The following MLLT10 variants were observed in gnomAD, a reference collection of about 807,000 sequenced individuals.
The protein encoded by MLLT10 is MLLT10 histone lysine methyltransferase DOT1L cofactor, also known as protein AF-10.
In MLLT10, 30 loss-of-function variants were observed where a neutral mutation model predicts 129.1. The observed-to-expected ratio is 0.23, with a 90% CI of 0.17 to 0.32. The LOEUF (loss-of-function observed/expected upper bound fraction) is 0.32, where lower values mean the gene tolerates loss of function less well. Among genes scored for constraint, MLLT10 ranks in the 10% least tolerant of loss-of-function variants. MLLT10 has a pLI of 1.00. For missense variants in MLLT10, 1,119 were observed against 1,268.3 expected, an observed-to-expected ratio of 0.88 and a Z score of 1.79; for synonymous variants, 490 against 446.4, an observed-to-expected ratio of 1.10 and a Z score of -1.23.
At chr10:21,707,744 C>A (rs1364229846) in intron 13 of MLLT10, among the ~76,000 whole-genome samples, 1 of 152,222 alleles carries the variant, frequency 6.6e-6, no homozygotes, top group Non-Finnish European at 1.5e-5. Flanking sequence ...ATTCAGAACA[C>A]CTGTACATGG....
chr10:21,538,024 A>G (rs1244301630), intron 2 of MLLT10, among the ~76,000 whole-genome samples: 1 of 150,946 alleles, frequency 6.6e-6, no homozygotes, highest in East Asian at 2.0e-4. Flanking sequence ...TTTTTGAGAT[A>G]GGGTCTCCCT....
At position 21,673,584 on chromosome 10, in the gene MLLT10, A is replaced by C. The variant is rs542522771; in HGVS notation, c.1286A>C (p.Gln429Pro). ...CCTTCAACCTCAGCTGTTACTTCAC[A>C]GCCTAAAAGCTTTGAAAATTCACCT... ...GLPSTSAVTS[Q>P]PKSFENSPGD... The change falls in exon 11 of 23, where the codon CAG becomes CCG. Residue 429 changes from glutamine to proline, a missense_variant. Gln to Pro is a moderately conservative substitution (Grantham distance 76). Coordinates refer to ENST00000307729, the MANE Select transcript of MLLT10 (RefSeq NM_001195626.3). The C allele has an allele frequency of 1.2e-6, 2 of 1,612,868 alleles. No homozygotes were observed. Among genetic ancestry groups the C allele is most frequent in the Non-Finnish European group, 1.7e-6 (2 of 1,179,706 alleles).
chr10:21,735,108 GTA>G, intron 20 of MLLT10, 29 bp from the exon 21 acceptor site: 1 of 1,549,172 alleles, frequency 6.5e-7, no homozygotes, highest in South Asian at 1.1e-5. Flanking sequence ...GAGGTGTGTA[GTA>G]AAAAGTAAGA....
At chr10:21,735,081 C>T (rs1441000098) in intron 20 of MLLT10, 58 bp from the exon 21 acceptor site, 14 of 1,242,486 alleles carry the variant, frequency 1.1e-5, no homozygotes, top group Non-Finnish European at 1.5e-5. Flanking sequence ...CATTTTTAGA[C>T]TTCTAAAAAT....
intron 8 of MLLT10, among the ~76,000 whole-genome samples, chr10:21,639,010 T>G (rs1403688796): frequency 6.6e-6 from 1 of 152,194 alleles, no homozygotes; most frequent in Non-Finnish European, 1.5e-5. Context: ...TAGTTGACCG[T>G]ACAATTTTTC....
chr10:21,736,363 C>G (rs534951437), intron 21 of MLLT10, among the ~76,000 whole-genome samples: 19 of 152,206 alleles, frequency 1.2e-4, no homozygotes, highest in Admixed American at 1.0e-3. Context: ...GGGCTCCTTG[C>G]AACCTCCATC....
chr10:21,607,361 C>A lies in MLLT10; in HGVS notation c.406-4987C>A, dbSNP rs187221903. On this transcript the variant is annotated intron_variant, in intron 5 of 22. Coordinates refer to ENST00000307729, the MANE Select transcript of MLLT10 (RefSeq NM_001195626.3). ...TTGAGATGGAGTTTTGCTCTTGTTG[C>A]CCAGGCTGGAGTGGAATGGCACGAT... 4.3e-4 allele frequency among the ~76,000 whole-genome samples: 58 copies of A among 134,888 alleles called. No individual in the cohort carries two copies. The South Asian group carries it at 5.5e-3, about 13-fold the overall frequency. The allele number at this position is 134,888 out of a possible 152,430, so 88.5% of individuals were successfully genotyped here.
Position 21,735,218 on chromosome 10 carries a change from T to G in MLLT10, c.2938T>G (p.Ser980Ala), listed in dbSNP as rs1351038445. ...HQQQFQQLLN[S>A]QQLTPEQHQA... is the part of the protein sequence containing the mutation. ...ACAGCAGTTTCAGCAGTTGTTAAAT[T>G]CTCAACAGCTCACACCAGTAAGTTC... The change falls in exon 21 of 23, where the codon TCT becomes GCT. Residue 980 changes from serine to alanine, a missense_variant. Ser to Ala is a moderately conservative substitution (Grantham distance 99). Coordinates refer to ENST00000307729, the MANE Select transcript of MLLT10 (RefSeq NM_001195626.3). The G allele has an allele frequency of 3.7e-6, 6 of 1,612,918 alleles. No homozygotes were observed. The highest frequency in any genetic ancestry group is 4.2e-6 in the Non-Finnish European group (5 of 1,179,166).
At chr10:21,660,359 G>A (rs2050053774) in intron 9 of MLLT10, among the ~76,000 whole-genome samples, 2 of 151,532 alleles carry the variant, frequency 1.3e-5, no homozygotes, top group Admixed American at 6.6e-5. Context: ...GCTCACGCCT[G>A]TATCCCAGCA....
chr10:21,741,097 C>T (rs1375615662), intron 22 of MLLT10, among the ~76,000 whole-genome samples: 1 of 152,196 alleles, frequency 6.6e-6, no homozygotes, highest in Non-Finnish European at 1.5e-5. Context: ...TTAGTTTGTA[C>T]TTAGTAACGA....
chr10:21,538,154 ATTTTTTTTTTTTT>A (rs747900217), intron 2 of MLLT10, among the ~76,000 whole-genome samples: 1 of 132,764 alleles, frequency 7.5e-6, no homozygotes, highest in Non-Finnish European at 1.6e-5. Flanking sequence ...TGCCCAGCTA[ATTTTTTTTTTTTT>A]TTTTTTTTAA....
intron 4 of MLLT10, among the ~76,000 whole-genome samples, chr10:21,594,342 G>A (rs1215136006): frequency 6.6e-6 from 1 of 151,866 alleles, no homozygotes; most frequent in Non-Finnish European, 1.5e-5. Flanking sequence ...CTGAGGTCGG[G>A]AGTTCAAGAC....
intron 3 of MLLT10, among the ~76,000 whole-genome samples, chr10:21,550,679 G>T (rs559435290): frequency 6.6e-6 from 1 of 151,968 alleles, no homozygotes; most frequent in African/African-American, 2.4e-5. Flanking sequence ...CTACGGATGG[G>T]TGCCACCAAG....
intron 10 of MLLT10, among the ~76,000 whole-genome samples, chr10:21,671,382 G>A (rs1017731118): frequency 5.3e-5 from 8 of 152,146 alleles, no homozygotes; most frequent in East Asian, 3.8e-4. Context: ...TTGGCCGGGC[G>A]TGGTGGCTCA....
chr10:21,552,566 A>AT (rs1232540235), intron 3 of MLLT10, among the ~76,000 whole-genome samples: 3 of 150,662 alleles, frequency 2.0e-5, no homozygotes, highest in South Asian at 4.2e-4. Flanking sequence ...TAGTTTTTGT[A>AT]TTTTTAATAG....
intron 3 of MLLT10, among the ~76,000 whole-genome samples, chr10:21,583,722 C>T (rs2041700279): frequency 1.3e-5 from 2 of 152,176 alleles, no homozygotes; most frequent in Admixed American, 6.5e-5. Context: ...AAGAAACTCA[C>T]TCATTACCAC....
chr10:21,651,647 T>G (rs1297278106), intron 8 of MLLT10, 26 bp from the exon 9 acceptor site: 1 of 1,534,624 alleles, frequency 6.5e-7, no homozygotes, highest in Non-Finnish European at 9.0e-7. Flanking sequence ...AAATTAAAAT[T>G]GGATTTTACT....
At chr10:21,732,794 C>A in intron 17 of MLLT10, 105 bp from the exon 18 acceptor site, 2 of 879,282 alleles carry the variant, frequency 2.3e-6, no homozygotes, top group South Asian at 2.6e-5. Context: ...TACAGAATTT[C>A]TACTGTTCTA....
intron 13 of MLLT10, among the ~76,000 whole-genome samples, chr10:21,693,082 T>G (rs1467133904): frequency 2.6e-5 from 4 of 152,168 alleles, no homozygotes; most frequent in Non-Finnish European, 5.9e-5. Flanking sequence ...TTGTACTCAT[T>G]TAGGTGTGCC....
Sources: gnomAD v4.1 joint callset for allele counts (sites outside exome capture counted in the v4.1 genomes callset) on GRCh38, gnomAD v4.1.1 for gene constraint, MANE v1.5 for transcripts, NCBI Gene and HGNC (gene_info 2026-07-23, HGNC 2026-07-21) for gene names.